Variants in ECE1 observed in about 807,000 individuals in gnomAD.
ECE1 encodes the protein endothelin converting enzyme 1.
ECE1 carries 35 observed loss-of-function variants against 98.6 expected under a neutral mutation model. That is an observed-to-expected ratio of 0.35 (90% CI 0.27 to 0.47). ECE1 has a LOEUF of 0.47. Ranked by LOEUF, ECE1 falls within the 20% of genes least tolerant of loss-of-function variation. ECE1 has a pLI of 1.00. For synonymous variants in ECE1, 394 were observed against 407.1 expected, an observed-to-expected ratio of 0.97 and a Z score of 0.39; for missense variants, 814 against 1,025.3, an observed-to-expected ratio of 0.79 and a Z score of 2.81.
intron 1 of ECE1, among the ~76,000 whole-genome samples, chr1:21,331,200 C>T (rs567225864): frequency 1.8e-4 from 27 of 152,188 alleles, no homozygotes; most frequent in African/African-American, 5.5e-4. Context: ...GTCAGGAGAT[C>T]GAGACGACCC....
At chr1:21,269,806 G>A (rs191959828) in intron 4 of ECE1, among the ~76,000 whole-genome samples, 30 of 152,286 alleles carry the variant, frequency 2.0e-4, no homozygotes, top group Admixed American at 1.6e-3. Flanking sequence ...AAGGCCACAC[G>A]AGTGATAAGC....
chr1:21,306,003 G>T (rs974832686), intron 1 of ECE1, among the ~76,000 whole-genome samples: 53 of 152,234 alleles, frequency 3.5e-4, no homozygotes, highest in African/African-American at 1.3e-3. Context: ...CAAGCAGCTG[G>T]CCTGGGTTTG....
Position 21,342,607 on chromosome 1 carries a change from T to TACACACAC in ECE1, c.3+2761_3+2768dup, listed in dbSNP as rs71014187. 4.2e-3 allele frequency among the ~76,000 whole-genome samples: 594 copies of TACACACAC among 139,790 alleles called. 5 individuals carry two copies. The highest frequency in any genetic ancestry group is 0.014 in the African/African-American group (561 of 38,824). The allele number at this position is 139,790 out of a possible 152,430, so 91.7% of individuals were successfully genotyped here. On this transcript the variant is annotated intron_variant, in intron 1 of 18. Coordinates refer to the ECE1 transcript ENST00000415912. ...ACACAGACACACAGACACACACAGA[T>TACACACAC]ACACACACACACACACACACACACA...
At chr1:21,279,508 C>A in intron 2 of ECE1, 176 bp from the exon 3 acceptor site, 1 of 1,480,654 alleles carries the variant, frequency 6.8e-7, no homozygotes, top group South Asian at 1.4e-5. Context: ...GAACAGCCAC[C>A]CTGCTCAGCT....
intron 1 of ECE1, among the ~76,000 whole-genome samples, chr1:21,306,642 A>G (rs568915235): frequency 5.1e-4 from 77 of 152,170 alleles, no homozygotes; most frequent in African/African-American, 1.8e-3. Context: ...CATATTATTG[A>G]CCCTATTTTG....
intron 6 of ECE1, 146 bp from the exon 7 acceptor site, chr1:21,257,736 T>A: frequency 1.2e-6 from 1 of 852,912 alleles, no homozygotes. Context: ...CTACAGTCAC[T>A]GAGAAGCCCA....
intron 3 of ECE1, among the ~76,000 whole-genome samples, chr1:21,276,874 C>G (rs212543): frequency 0.33 from 49,866 of 151,806 alleles, 8,396 homozygotes; most frequent in East Asian, 0.47. Flanking sequence ...GCGCCACCAT[C>G]CCTGGCTAAT....
chr1:21,256,820 A>T (rs115387080), intron 7 of ECE1: 438 of 155,286 alleles, frequency 2.8e-3, no homozygotes, highest in Middle Eastern at 0.01. Context: ...TCTCAGCTTC[A>T]CTTTCTCTTA....
At chr1:21,252,395 C>T (rs961067820) in intron 8 of ECE1, among the ~76,000 whole-genome samples, 1 of 152,228 alleles carries the variant, frequency 6.6e-6, no homozygotes, top group Non-Finnish European at 1.5e-5. Context: ...TGGGGCACAC[C>T]AGTGAGCTCC....
chr1:21,271,299 A>C (rs1489555983), intron 4 of ECE1, among the ~76,000 whole-genome samples: 1 of 152,142 alleles, frequency 6.6e-6, no homozygotes, highest in East Asian at 1.9e-4. Context: ...GGTCTCCTTC[A>C]CCTGGTTTGC....
chr1:21,341,446 C>T (rs939648794), intron 1 of ECE1, among the ~76,000 whole-genome samples: 3 of 152,218 alleles, frequency 2.0e-5, no homozygotes, highest in Non-Finnish European at 2.9e-5. Flanking sequence ...CCTCTCTCAC[C>T]GTAGACATGA....
chr1:21,284,764 C>T (rs1569651925), intron 2 of ECE1, among the ~76,000 whole-genome samples: 1 of 152,144 alleles, frequency 6.6e-6, no homozygotes, highest in Admixed American at 6.5e-5. Context: ...CAGGTGAAGC[C>T]AGGTTTTCAG....
chr1:21,238,037 G>A (rs2098190540), intron 11 of ECE1, 97 bp downstream of exon 11: 1 of 1,149,066 alleles, frequency 8.7e-7, no homozygotes. Flanking sequence ...CCCAGGAGCA[G>A]GAAAGGCCCA....
chr1:21,282,598 A>G (rs2098256051), intron 2 of ECE1, among the ~76,000 whole-genome samples: 1 of 151,216 alleles, frequency 6.6e-6, no homozygotes, highest in Non-Finnish European at 1.5e-5. Context: ...GAAAAAAAAA[A>G]AAAAAAGAAA....
chr1:21,279,481 G>T (rs752165907), intron 2 of ECE1, 149 bp from the exon 3 acceptor site: 3 of 1,507,248 alleles, frequency 2.0e-6, no homozygotes, highest in South Asian at 2.5e-5. Context: ...CACAGATTCA[G>T]CCCTAATCCA....
chr1:21,245,738 G>A lies in ECE1; in HGVS notation c.1164-635C>T, dbSNP rs545829510. On this transcript the variant is annotated intron_variant, in intron 9 of 18. Coordinates refer to ENST00000374893, the MANE Select transcript of ECE1 (RefSeq NM_001397.3). Reference sequence around the variant, plus strand: ...AAGAACTGTATTTGTACACGACGGAGTACTATGCAACCATGAAAAATGATG... The same window carrying A: ...AAGAACTGTATTTGTACACGACGGAATACTATGCAACCATGAAAAATGATG... Among the ~76,000 whole-genome samples the A allele has an allele frequency of 2.0e-5, 3 of 152,274 alleles. No homozygotes were observed. The East Asian group carries it at 5.8e-4, about 29-fold the overall frequency.
At chr1:21,332,385 T>C (rs1639216294) in intron 1 of ECE1, among the ~76,000 whole-genome samples, 2 of 151,862 alleles carry the variant, frequency 1.3e-5, no homozygotes, top group African/African-American at 4.8e-5. Context: ...CTGCAGGCAC[T>C]GATCCTGGCA....
At chr1:21,265,118 T>C (rs2098232234) in intron 4 of ECE1, among the ~76,000 whole-genome samples, 3 of 152,212 alleles carry the variant, frequency 2.0e-5, no homozygotes. Context: ...GACTGTCTTA[T>C]TCCTACATAA....
At chr1:21,273,902 G>A (rs551124724) in intron 3 of ECE1, among the ~76,000 whole-genome samples, 2 of 152,192 alleles carry the variant, frequency 1.3e-5, no homozygotes, top group African/African-American at 2.4e-5. Flanking sequence ...CAAGGTTGGC[G>A]GCTGAGCTCT....
Sources: allele counts gnomAD v4.1 joint callset (sites outside exome capture counted in the v4.1 genomes callset), GRCh38; gene constraint gnomAD v4.1.1; transcripts MANE v1.5; gene names NCBI Gene and HGNC (gene_info 2026-07-23, HGNC 2026-07-21).